The following RPTOR variants were observed in gnomAD, a reference collection of about 807,000 sequenced individuals.
The protein encoded by RPTOR is regulatory associated protein of MTOR complex 1, also known as regulatory-associated protein of mTOR.
In RPTOR, 21 loss-of-function variants were observed where a neutral mutation model predicts 169.9. The ratio of observed to expected loss-of-function variants is 0.12; its 90% confidence interval spans 0.09 to 0.18. RPTOR has a LOEUF of 0.18. RPTOR is among the 10% of genes least tolerant of loss of function. RPTOR has a pLI of 1.00. For synonymous variants in RPTOR, 732 were observed against 753.2 expected (o/e 0.97, Z 0.46); for missense variants, 1,133 against 1,855.9 (o/e 0.61, Z 7.16).
chr17:80,809,982 G>A (rs11658248), intron 7 of RPTOR, among the ~76,000 whole-genome samples: 23,487 of 151,914 alleles, frequency 0.15, 1,911 homozygotes, highest in Middle Eastern at 0.21. Context: ...CGTTGAGTCC[G>A]TCCAGCAGTG....
rs2065708989 is a variant in RPTOR at position 80,659,952 on chromosome 17, GTAA to G, written c.348+16145_348+16147del. On this transcript the variant is annotated intron_variant, in intron 3 of 33. Transcript: ENST00000306801. The surrounding 1 kb of genome is among the most constrained non-coding windows in gnomAD (Gnocchi z 4.3). ...ATGAACCACCGTGCCTGGCCTGCAGGTAATATTCTTTTGTGTATATATAAGAAT... is the reference window on the plus strand; with the variant it reads ...ATGAACCACCGTGCCTGGCCTGCAGGTATTCTTTTGTGTATATATAAGAAT... Among the ~76,000 whole-genome samples the G allele has an allele frequency of 6.6e-6, 1 of 151,730 alleles. No individual in the cohort carries two copies. The highest frequency in any genetic ancestry group is 1.5e-5 in the Non-Finnish European group (1 of 67,950).
chr17:80,728,399 T>A (rs773447137), intron 4 of RPTOR, among the ~76,000 whole-genome samples: 2 of 152,088 alleles, frequency 1.3e-5, no homozygotes, highest in African/African-American at 2.4e-5. Context: ...CCAAAATAAA[T>A]GAAAATTTTC....
At chr17:80,858,402 G>T (rs1415225268) in intron 13 of RPTOR, among the ~76,000 whole-genome samples, 1 of 152,248 alleles carries the variant, frequency 6.6e-6, no homozygotes, top group Non-Finnish European at 1.5e-5. Context: ...CTTACACGGG[G>T]CTGTCCAGCT....
intron 1 of RPTOR, among the ~76,000 whole-genome samples, chr17:80,610,482 G>A (rs1269131547): frequency 1.3e-5 from 2 of 152,152 alleles, no homozygotes; most frequent in Non-Finnish European, 2.9e-5. Context: ...CATGGTATGG[G>A]CAGGTAATGG....
intron 5 of RPTOR, among the ~76,000 whole-genome samples, chr17:80,742,087 G>A (rs1251600213): frequency 6.6e-6 from 1 of 152,208 alleles, no homozygotes; most frequent in Non-Finnish European, 1.5e-5. Context: ...CAGTGTCAAC[G>A]CAGGGTGGTG....
At chr17:80,703,762 C>T (rs35112467) in intron 3 of RPTOR, among the ~76,000 whole-genome samples, 26,694 of 152,032 alleles carry the variant, frequency 0.18, 3,747 homozygotes, top group African/African-American at 0.39. Context: ...GCTGGGCTAA[C>T]GCTTTCTTGG....
chr17:80,665,400 T>G (rs560003227), intron 3 of RPTOR, among the ~76,000 whole-genome samples: 104 of 7,210 alleles, frequency 0.014, 2 homozygotes, highest in Middle Eastern at 0.077. Context: ...TTCCTTTCCT[T>G]TCCTTTCCTT....
At chr17:80,547,420 T>TATACC (rs1445520978) in intron 1 of RPTOR, among the ~76,000 whole-genome samples, 2 of 152,234 alleles carry the variant, frequency 1.3e-5, no homozygotes, top group East Asian at 3.8e-4. Flanking sequence ...GATTAATGGG[T>TATACC]ATACGTTTGA....
intron 9 of RPTOR, among the ~76,000 whole-genome samples, chr17:80,828,323 G>A (rs2589136): frequency 4.6e-5 from 7 of 152,172 alleles, no homozygotes; most frequent in Non-Finnish European, 7.4e-5. Context: ...TGAGAAACCC[G>A]TGGCAGGTGG....
At chr17:80,837,510 G>A (rs2067577936) in intron 9 of RPTOR, among the ~76,000 whole-genome samples, 1 of 152,224 alleles carries the variant, frequency 6.6e-6, no homozygotes, top group Non-Finnish European at 1.5e-5. Flanking sequence ...CCTCCAGGAC[G>A]CTGCCCCATC....
In RPTOR at chr17:80,659,131, G is replaced by A. The variant is rs1184365088; in HGVS notation, c.348+15321G>A. On this transcript the variant is annotated intron_variant, in intron 3 of 33. Coordinates refer to ENST00000306801, the MANE Select transcript of RPTOR (RefSeq NM_020761.3). This position sits in a 1 kb window ranked among gnomAD's most constrained non-coding sequence, Gnocchi z 4.3. ...TGTGGAATGGTGGTGGCAGCATCACGTCCTGCAGGCTGGAGCCCATGAGTG... is the reference window on the plus strand; with the variant it reads ...TGTGGAATGGTGGTGGCAGCATCACATCCTGCAGGCTGGAGCCCATGAGTG... Among the ~76,000 whole-genome samples the A allele has an allele frequency of 1.3e-5, 2 of 152,182 alleles. No homozygotes were observed. Among genetic ancestry groups the A allele is most frequent in the African/African-American group, 2.4e-5 (1 of 41,436 alleles).
chr17:80,767,055 A>T (rs1252942644), intron 6 of RPTOR, among the ~76,000 whole-genome samples: 2 of 152,222 alleles, frequency 1.3e-5, no homozygotes, highest in Non-Finnish European at 2.9e-5. Flanking sequence ...AAGAGGGCAC[A>T]TCCTTACTGA....
At chr17:80,900,465 T>TGCCACCACA (rs2068462162) in intron 20 of RPTOR, among the ~76,000 whole-genome samples, 1 of 152,154 alleles carries the variant, frequency 6.6e-6, no homozygotes, top group Admixed American at 6.5e-5. Flanking sequence ...TACAGGCGCA[T>TGCCACCACA]GCCACCACAC....
intron 3 of RPTOR, among the ~76,000 whole-genome samples, chr17:80,662,532 T>G (rs1332228036): frequency 2.7e-5 from 4 of 147,540 alleles, no homozygotes; most frequent in Non-Finnish European, 4.6e-5. Context: ...GCACTGAGTC[T>G]GCCTCTGGGT....
chr17:80,829,634 G>A (rs759856966), intron 9 of RPTOR, among the ~76,000 whole-genome samples: 15 of 152,296 alleles, frequency 9.8e-5, no homozygotes, highest in Non-Finnish European at 2.2e-4. Flanking sequence ...AGCATGGGGG[G>A]CGGCCCGTAG....
In RPTOR at chr17:80,936,447, C is replaced by A. The variant is rs1407242215; in HGVS notation, c.2920-4049C>A. Among the ~76,000 whole-genome samples, 1 of 152,086 alleles carries A rather than the reference C, an allele frequency of 6.6e-6. No individual in the cohort carries two copies. The highest frequency in any genetic ancestry group is 1.5e-5 in the Non-Finnish European group (1 of 68,008). ...ATAGTCACCAAAAACTGGAAACAAC[C>A]CAAGTTTCCTTCACCTCGTAAAGAG... On this transcript the variant is annotated intron_variant, in intron 24 of 33. Coordinates refer to ENST00000306801, the MANE Select transcript of RPTOR (RefSeq NM_020761.3). The surrounding 1 kb of genome is among the most constrained non-coding windows in gnomAD (Gnocchi z 4.1).
intron 4 of RPTOR, among the ~76,000 whole-genome samples, chr17:80,724,307 A>C (rs1002772847): frequency 1.3e-5 from 2 of 151,146 alleles, no homozygotes; most frequent in Non-Finnish European, 2.9e-5. Flanking sequence ...CCAGGATGGA[A>C]GGGTCAGGAG....
intron 1 of RPTOR, among the ~76,000 whole-genome samples, chr17:80,548,676 G>C (rs1599539021): frequency 6.6e-6 from 1 of 152,054 alleles, no homozygotes; most frequent in East Asian, 1.9e-4. Context: ...CCTGGCCCTG[G>C]GGTGTTTTTT....
In RPTOR at chr17:80,965,703, G is replaced by A. The variant is rs972967729; in HGVS notation, c.*1373G>A. ...CCGTGGCCAAGAGCATCTTCTGGGT[G>A]GATGGAACCCTGCCTGGTCACATTT... On this transcript the variant is annotated 3_prime_UTR_variant, in exon 34 of 34. Transcript: ENST00000306801. 3 of 233,354 alleles carry A rather than the reference G, an allele frequency of 1.3e-5. No homozygotes were observed. Among genetic ancestry groups the A allele is most frequent in the African/African-American group, 6.6e-5 (3 of 45,476 alleles). 14.5% of individuals were successfully genotyped at this position (233,354 alleles called of 1,614,324 possible). A position where few individuals can be genotyped will look rare whatever the true frequency, so the allele number is the denominator to read the frequency against.
Sources: gnomAD v4.1 joint callset for allele counts (sites outside exome capture counted in the v4.1 genomes callset) on GRCh38, gnomAD v4.1.1 for gene constraint, Gnocchi (gnomAD v3.1) non-coding constraint, MANE v1.5 for transcripts, NCBI Gene and HGNC (gene_info 2026-07-23, HGNC 2026-07-21) for gene names.